The following CCNG1 variants were observed in gnomAD, a reference collection of about 807,000 sequenced individuals.
The protein encoded by CCNG1 is cyclin G1, also known as cyclin-G1.
A neutral mutation model predicts 30.0 loss-of-function variants in CCNG1; 13 were observed. That is an observed-to-expected ratio of 0.43 (90% CI 0.28 to 0.69). The LOEUF (loss-of-function observed/expected upper bound fraction) is 0.69. Ranked by LOEUF, CCNG1 falls within the 30% of genes least tolerant of loss-of-function variation. The pLI is 0.16. For synonymous variants in CCNG1, 110 were observed against 121.5 expected, an observed-to-expected ratio of 0.91 and a Z score of 0.62; for missense variants, 285 against 331.4, an observed-to-expected ratio of 0.86 and a Z score of 1.09.
Position 163,443,946 on chromosome 5 carries a change from T to C in CCNG1, c.*276T>C. ...AGAAGGTAAACTGTGAATCTTCATT[T>C]CTATCATTGATCTAACTTTAGATAT... On this transcript the variant is annotated 3_prime_UTR_variant, in exon 7 of 7. Transcript: ENST00000340828. The C allele has an allele frequency of 2.1e-6, 1 of 466,566 alleles. No individual in the cohort carries two copies. The highest frequency in any genetic ancestry group is 3.5e-5 in the East Asian group (1 of 28,678). The allele number at this position is 466,566 out of a possible 1,614,324, so 28.9% of individuals were successfully genotyped here. A position where few individuals can be genotyped will look rare whatever the true frequency, so the allele number is the denominator to read the frequency against.
the CCNG1 span, among the ~76,000 whole-genome samples, chr5:163,456,169 A>G: frequency 6.6e-6 from 1 of 152,168 alleles, no homozygotes; most frequent in Non-Finnish European, 1.5e-5. Flanking sequence ...TTCAGAAAAA[A>G]AGTCTAGGCT....
At chr5:163,441,538 A>AT in intron 3 of CCNG1, 1 of 551,622 alleles carries the variant, frequency 1.8e-6, no homozygotes, top group East Asian at 3.0e-5. Context: ...ATTAAAGTAC[A>AT]TTTTGACTTT....
chr5:163,453,002 G>A, the CCNG1 span: 1 of 152,122 alleles, frequency 6.6e-6, no homozygotes, highest in Non-Finnish European at 1.5e-5. Context: ...GGATTAGAGG[G>A]TAGTAATGTG....
rs1401255218 is a variant in CCNG1 at position 163,444,771 on chromosome 5, T to C, written c.*1101T>C. Reference sequence around the variant, plus strand: ...AGCCTGAGTCTATCCATGATGGCTATATCCAATTTGACATCACGTTATGGA... The same window carrying C: ...AGCCTGAGTCTATCCATGATGGCTACATCCAATTTGACATCACGTTATGGA... On this transcript the variant is annotated 3_prime_UTR_variant, in exon 7 of 7. Transcript: ENST00000340828. The C allele has an allele frequency of 2.6e-5, 4 of 152,654 alleles. No individual in the cohort carries two copies. The highest frequency in any genetic ancestry group is 5.9e-5 in the Non-Finnish European group (4 of 68,034). The allele number at this position is 152,654 out of a possible 1,614,324, so 9.5% of individuals were successfully genotyped here.
At chr5:163,449,453 C>T (rs1175770832), downstream of CCNG1, 1 of 152,250 alleles carries the variant, frequency 6.6e-6, no homozygotes, top group East Asian at 1.9e-4. Context: ...ACATAAAATG[C>T]TGATAACTGA....
the CCNG1 span, chr5:163,456,902 C>T: frequency 1.1e-5 from 16 of 1,432,958 alleles, no homozygotes; most frequent in Admixed American, 1.3e-4. Flanking sequence ...TTTAATTACA[C>T]ATACTCATAC....
chr5:163,438,977 G>T (rs1179734176), intron 1 of CCNG1, among the ~76,000 whole-genome samples: 4 of 142,598 alleles, frequency 2.8e-5, no homozygotes, highest in Non-Finnish European at 6.0e-5. Context: ...AGTGAGCCAA[G>T]ATCGTGCCAC....
chr5:163,453,807 A>G, the CCNG1 span: 1 of 428,756 alleles, frequency 2.3e-6, no homozygotes, highest in Non-Finnish European at 4.3e-6. Flanking sequence ...TACATTTCCT[A>G]TGTAAATTAT....
chr5:163,450,693 G>A (rs1458821320), downstream of CCNG1: 3 of 152,178 alleles, frequency 2.0e-5, no homozygotes, highest in Non-Finnish European at 4.4e-5. Flanking sequence ...CAGAGAAAAT[G>A]GAACCTGCAT....
chr5:163,442,287 A>C, intron 5 of CCNG1, 87 bp from the exon 6 acceptor site: 1 of 1,168,014 alleles, frequency 8.6e-7, no homozygotes, highest in Non-Finnish European at 1.2e-6. Context: ...GCAAAGACAC[A>C]TGTTCATAGG....
Position 163,442,538 on chromosome 5 carries a change from T to G in CCNG1, c.861T>G (p.Leu287=). The change falls in exon 6 of 7, where the codon CTT becomes CTG. Residue 287 remains leucine, a synonymous_variant. Coordinates refer to ENST00000340828, the MANE Select transcript of CCNG1 (RefSeq NM_004060.4). The part of the protein sequence containing the change: ...LKHSYYRITH[L]PTIPEMVP The stretch of plus-strand genomic sequence containing the variant: ...ATAGCTACTACAGAATAACTCACCT[T>G]CCAACAATTCCTGAAATGGTCCCTT... The G allele has an allele frequency of 8.1e-6, 13 of 1,610,080 alleles. No individual in the cohort carries two copies. The highest frequency in any genetic ancestry group is 1.3e-5 in the African/African-American group (1 of 74,906).
At position 163,443,268 on chromosome 5, in the gene CCNG1, C is replaced by T. The variant is rs1302679564; in HGVS notation, c.*4-406C>T. 2.1e-4 allele frequency among the ~76,000 whole-genome samples: 31 copies of T among 148,880 alleles called. 1 individual carries two copies. The highest frequency in any genetic ancestry group is 1.2e-4 in the Non-Finnish European group (8 of 67,612). ...CGGAGTTTGCAGTGAGCTGAGATCG[C>T]GCCACTACACTCCAGCCTGGGCGAC... On this transcript the variant is annotated intron_variant, in intron 6 of 6. Transcript: ENST00000340828.
Position 163,444,363 on chromosome 5 carries a change from T to C in CCNG1, c.*693T>C, listed in dbSNP as rs1757971826. 6.6e-6 allele frequency: 1 copy of C among 152,536 alleles called. No homozygotes were observed. Among genetic ancestry groups the C allele is most frequent in the South Asian group, 2.1e-4 (1 of 4,832 alleles). The allele number at this position is 152,536 out of a possible 1,614,324, so 9.4% of individuals were successfully genotyped here. On this transcript the variant is annotated 3_prime_UTR_variant, in exon 7 of 7. Transcript: ENST00000340828. ...AAACAGGTGACATTTGTATCTACGA[T>C]AAAAATTTTTATACAGAACCTACTG...
At chr5:163,452,854 C>T in the CCNG1 span, 1 of 152,130 alleles carries the variant, frequency 6.6e-6, no homozygotes, top group East Asian at 1.9e-4. Context: ...TAAAAGGAAA[C>T]AAATGAGAAT....
downstream of CCNG1, chr5:163,450,859 A>G (rs1249515353): frequency 6.6e-6 from 1 of 152,264 alleles, no homozygotes; most frequent in African/African-American, 2.4e-5. Flanking sequence ...CGTTTATAGC[A>G]GCTTTAGTCA....
At chr5:163,443,114 C>G (rs917619881) in intron 6 of CCNG1, among the ~76,000 whole-genome samples, 1 of 152,044 alleles carries the variant, frequency 6.6e-6, no homozygotes, top group Non-Finnish European at 1.5e-5. Context: ...TCGAGACCAT[C>G]CTGGCCAACA....
At chr5:163,453,929 TATCTGCTAGGATCCACAGAATGCA>T in the CCNG1 span, 1 of 1,186,288 alleles carries the variant, frequency 8.4e-7, no homozygotes, top group Non-Finnish European at 1.2e-6. Context: ...AAGTTGGCAA[TATCTGCTAGGATCCACAGAATGCA>T]GGAAAAAAAG....
Position 163,443,966 on chromosome 5 carries a change from A to G in CCNG1, c.*296A>G. 2.3e-6 allele frequency: 1 copy of G among 430,146 alleles called. No homozygotes were observed. Among genetic ancestry groups the G allele is most frequent in the Non-Finnish European group, 4.1e-6 (1 of 241,790 alleles). The allele number at this position is 430,146 out of a possible 1,614,324, so 26.6% of individuals were successfully genotyped here. On this transcript the variant is annotated 3_prime_UTR_variant, in exon 7 of 7. Transcript: ENST00000340828. ...TCATTTCTATCATTGATCTAACTTTAGATATTGGATCAATATATTTAGGTG... is the reference window on the plus strand; with the variant it reads ...TCATTTCTATCATTGATCTAACTTTGGATATTGGATCAATATATTTAGGTG...
intron 2 of CCNG1, 176 bp downstream of exon 2, chr5:163,439,696 G>T: frequency 1.9e-6 from 1 of 535,858 alleles, no homozygotes; most frequent in Non-Finnish European, 3.3e-6. Context: ...AGTACATCAG[G>T]TATTAGACTT....
Sources: gnomAD v4.1 joint callset for allele counts (sites outside exome capture counted in the v4.1 genomes callset) on GRCh38, gnomAD v4.1.1 for gene constraint, MANE v1.5 for transcripts, NCBI Gene and HGNC (gene_info 2026-07-23, HGNC 2026-07-21) for gene names.